The following MMP24 variants were observed in gnomAD, a reference collection of about 807,000 sequenced individuals.
MMP24 encodes matrix metalloproteinase-24.
A neutral mutation model predicts 62.8 loss-of-function variants in MMP24; 25 were observed. The observed-to-expected ratio is 0.40, with a 90% CI of 0.29 to 0.56. The LOEUF (loss-of-function observed/expected upper bound fraction) is 0.56. Ranked by LOEUF, MMP24 falls within the 20% of genes least tolerant of loss-of-function variation. The pLI, the probability that MMP24 is intolerant of heterozygous loss-of-function variation, is 0.50. For synonymous variants in MMP24, 319 were observed against 350.5 expected (o/e 0.91, Z 1.00); for missense variants, 634 against 853.6 (o/e 0.74, Z 3.21).
At chr20:35,247,012 G>T in intron 2 of MMP24, 24 bp downstream of exon 2, 1 of 1,613,018 alleles carries the variant, frequency 6.2e-7, no homozygotes. Flanking sequence ...AGGACATTGT[G>T]CCTTTGAACT....
rs1019341656 is a variant in MMP24, at chr20:35,272,098, C to T, written c.1600+263C>T. ...CTTCATTCCTTCAGACAGCATTTCTCAAACACTTATCCTCAGTGTACTCCA... is the reference window on the plus strand; with the variant it reads ...CTTCATTCCTTCAGACAGCATTTCTTAAACACTTATCCTCAGTGTACTCCA... On this transcript the variant is annotated intron_variant, in intron 8 of 8. Coordinates refer to ENST00000246186, the MANE Select transcript of MMP24 (RefSeq NM_006690.4). 7.8e-5 allele frequency: 44 copies of T among 562,640 alleles called. No homozygotes were observed. The South Asian group carries it at 8.2e-4, about 10-fold the overall frequency. 34.9% of individuals were successfully genotyped at this position (562,640 alleles called of 1,614,324 possible). A position where few individuals can be genotyped will look rare whatever the true frequency, so the allele number is the denominator to read the frequency against.
At chr20:35,260,199 C>T (rs2060595113) in intron 4 of MMP24, among the ~76,000 whole-genome samples, 1 of 152,184 alleles carries the variant, frequency 6.6e-6, no homozygotes, top group Non-Finnish European at 1.5e-5. Context: ...TCCTCCTGCC[C>T]CTGCCCTGCT....
At chr20:35,246,226 G>A (rs561097432) in intron 1 of MMP24, among the ~76,000 whole-genome samples, 62 of 151,600 alleles carry the variant, frequency 4.1e-4, no homozygotes, top group Non-Finnish European at 7.2e-4. Context: ...AGGCTGAGGC[G>A]GGCGGATCAT....
chr20:35,258,133 A>G (rs992138959), intron 4 of MMP24, among the ~76,000 whole-genome samples: 2 of 152,202 alleles, frequency 1.3e-5, no homozygotes, highest in Non-Finnish European at 2.9e-5. Context: ...CTCAGCAATT[A>G]TCAACGTTGT....
In MMP24 at chr20:35,247,808, T is replaced by G. The variant is rs117829140; in HGVS notation, c.395+820T>G. The stretch of plus-strand genomic sequence containing the variant: ...CTGGGTTTAGTGACAAAGAGCTTGT[T>G]GTTAACCTCAGCAGAATGGTGGAGA... On this transcript the variant is annotated intron_variant, in intron 2 of 8. Coordinates refer to ENST00000246186, the MANE Select transcript of MMP24 (RefSeq NM_006690.4). Among the ~76,000 whole-genome samples, 356 of 152,282 alleles carry G rather than the reference T, an allele frequency of 2.3e-3. 14 individuals carry two copies. The East Asian group carries it at 0.058, about 25-fold the overall frequency.
intron 1 of MMP24, among the ~76,000 whole-genome samples, chr20:35,235,312 G>A (rs1231933216): frequency 6.6e-6 from 1 of 152,214 alleles, no homozygotes; most frequent in Non-Finnish European, 1.5e-5. Flanking sequence ...ACTGAGGCAG[G>A]AGGATTGCTT....
chr20:35,267,102 A>C, intron 5 of MMP24, 103 bp from the exon 6 acceptor site: 1 of 958,908 alleles, frequency 1.0e-6, no homozygotes, highest in East Asian at 2.6e-5. Flanking sequence ...CAGGAGGCTG[A>C]ACTGGGACAG....
At chr20:35,260,653 T>G (rs11907928) in intron 4 of MMP24, among the ~76,000 whole-genome samples, 31,745 of 152,188 alleles carry the variant, frequency 0.21, 3,640 homozygotes, top group Middle Eastern at 0.34. Flanking sequence ...AGGACCTGAG[T>G]AAGGAGCTGG....
At chr20:35,266,595 C>T (rs1034120313) in intron 5 of MMP24, among the ~76,000 whole-genome samples, 4 of 152,076 alleles carry the variant, frequency 2.6e-5, no homozygotes, top group Admixed American at 2.0e-4. Flanking sequence ...GGCAGGAGGA[C>T]AACCAAGAGA....
Position 35,269,388 on chromosome 20 carries a change from TCA to T in MMP24, c.1195-371_1195-370del, listed in dbSNP as rs1347915706. Among the ~76,000 whole-genome samples the T allele has an allele frequency of 6.6e-6, 1 of 152,166 alleles. No individual in the cohort carries two copies. The highest frequency in any genetic ancestry group is 1.5e-5 in the Non-Finnish European group (1 of 68,032). On this transcript the variant is annotated intron_variant, in intron 6 of 8. Transcript: ENST00000246186. The surrounding 1 kb of genome is among the most constrained non-coding windows in gnomAD (Gnocchi z 4.6). The stretch of plus-strand genomic sequence containing the variant: ...CTCATGGAGGGCGCTCGGCCCAGGC[TCA>T]GTGACCACCCCAGCCTCCCACTGTC...
At chr20:35,242,560 C>A (rs539430828) in intron 1 of MMP24, among the ~76,000 whole-genome samples, 1 of 152,230 alleles carries the variant, frequency 6.6e-6, no homozygotes, top group East Asian at 1.9e-4. Context: ...TTTTCTTATA[C>A]CTTAAAGTAT....
intron 2 of MMP24, among the ~76,000 whole-genome samples, chr20:35,250,954 T>C (rs184933050): frequency 1.3e-5 from 2 of 152,204 alleles, no homozygotes; most frequent in Admixed American, 1.3e-4. Flanking sequence ...TTTCAGGCAC[T>C]GGGCTACCTT....
chr20:35,263,539 T>G (rs558077745), intron 4 of MMP24: 2 of 341,128 alleles, frequency 5.9e-6, no homozygotes, highest in South Asian at 2.1e-4. Flanking sequence ...TCAGAATCCC[T>G]GCTCGACCCT....
At chr20:35,244,076 A>C (rs184741522) in intron 1 of MMP24, among the ~76,000 whole-genome samples, 4 of 152,226 alleles carry the variant, frequency 2.6e-5, no homozygotes, top group Non-Finnish European at 5.9e-5. Context: ...GCAAATAATA[A>C]CTTATTTATA....
chr20:35,240,453 T>C (rs74509225), intron 1 of MMP24, among the ~76,000 whole-genome samples: 3,033 of 152,218 alleles, frequency 0.02, 87 homozygotes, highest in African/African-American at 0.069. Flanking sequence ...TAAGAGTTGG[T>C]TAACTGAGCT....
In MMP24 at chr20:35,246,827, C is replaced by T; in HGVS notation, c.247-13C>T. 2.5e-6 allele frequency: 4 copies of T among 1,613,260 alleles called. No homozygotes were observed. The highest frequency in any genetic ancestry group is 1.7e-6 in the Non-Finnish European group (2 of 1,179,254). On this transcript the variant is annotated splice_polypyrimidine_tract_variant and intron_variant, in intron 1 of 8. Coordinates refer to ENST00000246186, the MANE Select transcript of MMP24 (RefSeq NM_006690.4). ...CCAGCATAACGCATCTTTTTCTTTC[C>T]CGTGTCTTTCAGAACTGGTTAAAGT...
At chr20:35,248,852 C>T in intron 2 of MMP24, among the ~76,000 whole-genome samples, 1 of 152,264 alleles carries the variant, frequency 6.6e-6, no homozygotes, top group East Asian at 1.9e-4. Flanking sequence ...GCACAGGCCT[C>T]ATGGCAGTGC....
intron 2 of MMP24, 48 bp downstream of exon 2, chr20:35,247,036 T>C: frequency 6.2e-7 from 1 of 1,608,146 alleles, no homozygotes; most frequent in Non-Finnish European, 8.5e-7. Flanking sequence ...TGGACTTACA[T>C]TTGGGTTCAC....
Position 35,254,563 on chromosome 20 carries a change from A to G in MMP24, c.626A>G (p.His209Arg). ...TPLTFEEVPYHEIKSDRKEAD... is the reference protein window; with the variant it reads ...TPLTFEEVPYREIKSDRKEAD... ...CTGACCTTTGAAGAGGTGCCATACC[A>G]TGAGATCAAAAGTGACCGGAAGGAG... Residue 209 changes from histidine (H) to arginine (R), a missense_variant, in exon 4 of 9, where the codon CAT (histidine) becomes CGT (arginine). His to Arg is a conservative substitution (Grantham distance 29, BLOSUM62 0). This residue lies in a region of MMP24 where 212 missense variants were observed against 259.6 expected (regional missense o/e 0.82). Coordinates refer to ENST00000246186, the MANE Select transcript of MMP24 (RefSeq NM_006690.4). The G allele has an allele frequency of 6.2e-7, 1 of 1,614,062 alleles. No homozygotes were observed. Among genetic ancestry groups the G allele is most frequent in the Non-Finnish European group, 8.5e-7 (1 of 1,179,900 alleles).
Sources: gnomAD v4.1 joint callset for allele counts (sites outside exome capture counted in the v4.1 genomes callset) on GRCh38, gnomAD v4.1.1 for gene constraint, gnomAD v4.1.1 regional missense constraint, Gnocchi (gnomAD v3.1) non-coding constraint, MANE v1.5 for transcripts, NCBI Gene and HGNC (gene_info 2026-07-23, HGNC 2026-07-21) for gene names.